ODAD2: variants seen among roughly 807,000 people sequenced by gnomAD.
The protein encoded by ODAD2 is outer dynein arm-docking complex subunit 2.
A neutral mutation model predicts 106.8 loss-of-function variants in ODAD2; 89 were observed. That is an observed-to-expected ratio of 0.83 (90% CI 0.70 to 0.99). The LOEUF (loss-of-function observed/expected upper bound fraction) is 0.99. Among genes scored for constraint, ODAD2 ranks in the 50% least tolerant of loss-of-function variants. The pLI is 0.00. For missense variants in ODAD2, 1,168 were observed against 1,238.5 expected (o/e 0.94, Z 0.85); for synonymous variants, 404 against 436.2 (o/e 0.93, Z 0.92).
intron 9 of ODAD2, among the ~76,000 whole-genome samples, chr10:27,963,908 C>T (rs193076876): frequency 5.3e-5 from 8 of 152,222 alleles, no homozygotes; most frequent in Admixed American, 3.9e-4. Context: ...TCATTACTCT[C>T]ATTATAGAGA....
At chr10:27,964,362 C>G (rs1217129255) in intron 9 of ODAD2, among the ~76,000 whole-genome samples, 1 of 152,110 alleles carries the variant, frequency 6.6e-6, no homozygotes, top group Non-Finnish European at 1.5e-5. Flanking sequence ...CCTCGGTTTC[C>G]TCACCTGCAA....
intron 17 of ODAD2, among the ~76,000 whole-genome samples, chr10:27,871,199 G>A (rs1372113925): frequency 6.6e-6 from 1 of 152,088 alleles, no homozygotes; most frequent in Non-Finnish European, 1.5e-5. Context: ...TTTTGATGGG[G>A]TTGTTTGTTT....
At position 27,824,039 on chromosome 10, in the gene ODAD2, C is replaced by G. The variant is rs900330754; in HGVS notation, c.3022-11414G>C. On this transcript the variant is annotated intron_variant, in intron 19 of 19. Coordinates refer to ENST00000305242, the MANE Select transcript of ODAD2 (RefSeq NM_018076.5). ...CCTGTAGTCCCAGCTACTCGGGAGG[C>G]TGAGGCAGGAGAATGGCGTGAACCC... Among the ~76,000 whole-genome samples the G allele has an allele frequency of 2.3e-5, 3 of 127,954 alleles. 1 individual carries two copies. The highest frequency in any genetic ancestry group is 1.0e-4 in the African/African-American group (3 of 29,028). 83.9% of individuals were successfully genotyped at this position (127,954 alleles called of 152,430 possible). A position where few individuals can be genotyped will look rare whatever the true frequency, so the allele number is the denominator to read the frequency against.
rs575837857 is a variant in ODAD2 at position 27,960,841 on chromosome 10, C to A, written c.1386+727G>T. On this transcript the variant is annotated intron_variant, in intron 10 of 19. Transcript: ENST00000305242. ...ATGAGTTAAGTCAAATACTTTTTCA[C>A]AAATACTTCTGGACGTCGGCTTTAC... is the stretch of plus-strand genomic sequence containing the variant. Among the ~76,000 whole-genome samples, 9 of 152,280 alleles carry A rather than the reference C, an allele frequency of 5.9e-5. No homozygotes were observed. The East Asian group carries it at 1.7e-3, about 29-fold the overall frequency.
chr10:27,931,445 A>G (rs1300348465), intron 16 of ODAD2, among the ~76,000 whole-genome samples: 1 of 151,842 alleles, frequency 6.6e-6, no homozygotes, highest in Non-Finnish European at 1.5e-5. Flanking sequence ...CTGCCTTCTC[A>G]TCATCTACTT....
In ODAD2 at chr10:27,983,947, G is replaced by A. The variant is rs760121653; in HGVS notation, c.715C>T (p.Pro239Ser). ...ATTTCCCCACGAATTTGTCTCCACG[G>A]TGGGGCTCGACATCCATTTGAAAAT... ...YEFSNGCRAPPWRQIRGEICY... is the reference protein window; with the variant it reads ...YEFSNGCRAPSWRQIRGEICY... The change falls in exon 6 of 20, where the codon CCG (proline) becomes TCG (serine). Residue 239 changes from proline (P) to serine (S), a missense_variant. By Grantham distance (74) the Pro-to-Ser change is moderately conservative. Around this residue, in one of 3 missense-constraint regions of ODAD2, gnomAD observed 430 missense variants for 452.2 expected, o/e 0.95. Transcript: ENST00000305242. 1.2e-6 allele frequency: 2 copies of A among 1,608,824 alleles called. No individual in the cohort carries two copies. Among genetic ancestry groups the A allele is most frequent in the Non-Finnish European group, 1.7e-6 (2 of 1,178,976 alleles).
At chr10:27,922,225 C>T (rs1844848759) in intron 16 of ODAD2, among the ~76,000 whole-genome samples, 1 of 150,570 alleles carries the variant, frequency 6.6e-6, no homozygotes, top group African/African-American at 2.4e-5. Context: ...AATAAAAGAA[C>T]TTTATATCTA....
chr10:27,834,254 T>C (rs1002315076), intron 19 of ODAD2, among the ~76,000 whole-genome samples: 4 of 152,192 alleles, frequency 2.6e-5, no homozygotes, highest in Admixed American at 1.3e-4. Flanking sequence ...TATACGTGCA[T>C]GTGGTCTAGG....
In ODAD2 at chr10:27,984,999, C is replaced by T; in HGVS notation, c.575+20G>A. On this transcript the variant is annotated intron_variant, in intron 4 of 19. Transcript: ENST00000305242. ...ATCTTGGCTCAATACAATAGAGGTT[C>T]CTTTTTGAAAAAGACTCACAATGAA... 6.3e-7 allele frequency: 1 copy of T among 1,594,292 alleles called. No homozygotes were observed.
chr10:27,934,362 GTAAAGATATATATCTTTATAAAATA>G (rs1197423106), intron 16 of ODAD2, among the ~76,000 whole-genome samples: 1 of 151,042 alleles, frequency 6.6e-6, no homozygotes, highest in African/African-American at 2.4e-5. Flanking sequence ...CTTTGTTGGA[GTAAAGATATATATCTTTATAAAATA>G]TAAAGATATA....
intron 7 of ODAD2, among the ~76,000 whole-genome samples, chr10:27,979,657 T>A (rs1357896387): frequency 1.3e-5 from 2 of 152,136 alleles, no homozygotes; most frequent in East Asian, 3.8e-4. Context: ...TGAGTAAATA[T>A]AATGAAGGAG....
At position 27,940,694 on chromosome 10, in the gene ODAD2, T is replaced by G. The variant is rs764565658; in HGVS notation, c.1855A>C (p.Ser619Arg). The G allele has an allele frequency of 7.4e-6, 12 of 1,614,184 alleles. No homozygotes were observed. Among genetic ancestry groups the G allele is most frequent in the Non-Finnish European group, 1.0e-5 (12 of 1,180,014 alleles). The part of the protein sequence containing the change: ...RCGALALWSC[S>R]KSHTNKEAIR... ...GCTTCTTTATTCGTATGACTCTTAC[T>G]GCAGCTCCACAGGGCCAGTGCCCCA... The change falls in exon 13 of 20, where the codon AGT becomes CGT. Residue 619 changes from serine to arginine, a missense_variant. Ser to Arg is a moderately radical substitution (Grantham distance 110, BLOSUM62 -1). Around this residue, in one of 3 missense-constraint regions of ODAD2, gnomAD observed 701 missense variants for 712.3 expected, o/e 0.98. Coordinates refer to ENST00000305242, the MANE Select transcript of ODAD2 (RefSeq NM_018076.5).
intron 19 of ODAD2, among the ~76,000 whole-genome samples, chr10:27,839,757 G>A (rs1838175502): frequency 6.6e-6 from 1 of 152,164 alleles, no homozygotes; most frequent in Admixed American, 6.5e-5. Context: ...AAACCAACAT[G>A]GGAATGCTTC....
intron 19 of ODAD2, among the ~76,000 whole-genome samples, chr10:27,837,086 T>C (rs577548802): frequency 6.6e-6 from 1 of 152,002 alleles, no homozygotes; most frequent in Non-Finnish European, 1.5e-5. Context: ...GCAAGAAAGG[T>C]CATATTCATC....
At position 27,907,846 on chromosome 10, in the gene ODAD2, A is replaced by G. The variant is rs187177081; in HGVS notation, c.2496-69T>C. The G allele has an allele frequency of 4.7e-6, 5 of 1,057,536 alleles. No individual in the cohort carries two copies. The African/African-American group carries it at 8.0e-5, about 17-fold the overall frequency. The allele number at this position is 1,057,536 out of a possible 1,614,324, so 65.5% of individuals were successfully genotyped here. ...GTGAAGACAAACATTTTAATGACCC[A>G]CTTATTTAATTATTTTTTCTCCTTT... is the stretch of plus-strand genomic sequence containing the variant. On this transcript the variant is annotated intron_variant, in intron 16 of 19. Transcript: ENST00000305242.
At chr10:27,917,066 TA>T (rs1844438001) in intron 16 of ODAD2, among the ~76,000 whole-genome samples, 1 of 152,186 alleles carries the variant, frequency 6.6e-6, no homozygotes, top group Non-Finnish European at 1.5e-5. Context: ...AAGCATTGCA[TA>T]AAACTACTGC....
At chr10:27,892,324 G>T (rs1393017311) in intron 17 of ODAD2, among the ~76,000 whole-genome samples, 1 of 152,076 alleles carries the variant, frequency 6.6e-6, no homozygotes, top group East Asian at 1.9e-4. Flanking sequence ...TTTATGACTA[G>T]TTCACTTTAG....
chr10:27,943,118 G>C (rs570693736), intron 12 of ODAD2, among the ~76,000 whole-genome samples: 1 of 152,302 alleles, frequency 6.6e-6, no homozygotes, highest in East Asian at 1.9e-4. Context: ...CTCTGGGTGA[G>C]ACACAAGATC....
At chr10:27,893,572 T>C (rs1842693185) in intron 17 of ODAD2, among the ~76,000 whole-genome samples, 1 of 138,986 alleles carries the variant, frequency 7.2e-6, no homozygotes, top group African/African-American at 2.6e-5. Flanking sequence ...TTCAAAGTGA[T>C]GCCAAATCCT....
Sources: allele counts gnomAD v4.1 joint callset (sites outside exome capture counted in the v4.1 genomes callset), GRCh38; gene constraint gnomAD v4.1.1; regional missense constraint gnomAD v4.1.1; transcripts MANE v1.5; gene names NCBI Gene and HGNC (gene_info 2026-07-23, HGNC 2026-07-21).